SRGAP1: variants seen among roughly 807,000 people sequenced by gnomAD.
The protein encoded by SRGAP1 is SLIT-ROBO Rho GTPase-activating protein 1.
SRGAP1 carries 43 observed loss-of-function variants against 121.9 expected under a neutral mutation model. The observed-to-expected ratio is 0.35, with a 90% confidence interval of 0.28 to 0.46. The LOEUF is 0.46. SRGAP1 is among the 20% of genes least tolerant of loss of function. SRGAP1 has a pLI of 1.00. For synonymous variants in SRGAP1, 447 were observed against 485.4 expected (o/e 0.92, Z 1.04); for missense variants, 1,102 against 1,350.9 (o/e 0.82, Z 2.89).
chr12:63,920,457 C>T (rs990982015), intron 1 of SRGAP1, among the ~76,000 whole-genome samples: 7 of 152,134 alleles, frequency 4.6e-5, no homozygotes, highest in Non-Finnish European at 1.0e-4. Context: ...GAGGCTAGTT[C>T]TCCTAGAACC....
At chr12:63,980,677 T>G (rs2033222316) in intron 1 of SRGAP1, among the ~76,000 whole-genome samples, 1 of 151,654 alleles carries the variant, frequency 6.6e-6, no homozygotes, top group African/African-American at 2.4e-5. Context: ...CACTGCAACC[T>G]GCATCTGCTG....
chr12:63,884,716 A>G (rs899865905), intron 1 of SRGAP1, among the ~76,000 whole-genome samples: 19 of 135,840 alleles, frequency 1.4e-4, no homozygotes, highest in African/African-American at 4.8e-4. Context: ...GGTCACCACC[A>G]TTCTTTTTTT....
At chr12:63,905,532 A>G (rs1245698769) in intron 1 of SRGAP1, among the ~76,000 whole-genome samples, 1 of 152,236 alleles carries the variant, frequency 6.6e-6, no homozygotes, top group Non-Finnish European at 1.5e-5. Flanking sequence ...CCTGCCTAAA[A>G]CTTCTTTGGT....
At position 64,112,037 on chromosome 12, in the gene SRGAP1, T is replaced by C. The variant is rs748856943; in HGVS notation, c.2144+51T>C. ...TCTCCCACCGAAAATTATGGAAATA[T>C]AGCTATCAATTTGATTAGAAGAAAG... On this transcript the variant is annotated intron_variant, in intron 17 of 21. Transcript: ENST00000355086. 4.2e-6 allele frequency: 6 copies of C among 1,415,806 alleles called. 1 individual carries two copies. In the South Asian group the frequency reaches 6.0e-5, roughly 14 times the overall value. 87.7% of individuals were successfully genotyped at this position (1,415,806 alleles called of 1,614,324 possible). A position where few individuals can be genotyped will look rare whatever the true frequency, so the allele number is the denominator to read the frequency against.
chr12:64,016,552 G>A (rs143083449), intron 3 of SRGAP1, among the ~76,000 whole-genome samples: 2 of 152,168 alleles, frequency 1.3e-5, no homozygotes, highest in African/African-American at 2.4e-5. Context: ...TTTGGGCAGA[G>A]GGAGTTAATT....
chr12:63,902,568 C>A (rs1303453972), intron 1 of SRGAP1, among the ~76,000 whole-genome samples: 2 of 152,158 alleles, frequency 1.3e-5, no homozygotes. Flanking sequence ...CAAAAGTCTT[C>A]CCTAAAATGA....
chr12:64,097,599 A>G (rs1228197736), intron 15 of SRGAP1: 1 of 404,862 alleles, frequency 2.5e-6, no homozygotes, highest in Non-Finnish European at 4.3e-6. Flanking sequence ...CTCTGGCTCC[A>G]GAAAGCCAGG....
intron 8 of SRGAP1, among the ~76,000 whole-genome samples, chr12:64,067,570 G>A (rs1032752041): frequency 2.6e-5 from 4 of 152,048 alleles, no homozygotes; most frequent in Admixed American, 6.6e-5. Flanking sequence ...GTTGAACACC[G>A]AAGAAAATTT....
Position 64,144,591 on chromosome 12 carries a change from T to C in SRGAP1, c.*1919T>C, listed in dbSNP as rs2037019120. ...TGAATAGTGACTTTTTTCCCATGTATTTCTAGGTATGGTAAACTTTTAAAC... is the reference window on the plus strand; with the variant it reads ...TGAATAGTGACTTTTTTCCCATGTACTTCTAGGTATGGTAAACTTTTAAAC... On this transcript the variant is annotated 3_prime_UTR_variant, in exon 22 of 22. Transcript: ENST00000355086. 1 of 152,126 alleles carries C rather than the reference T, an allele frequency of 6.6e-6. No individual in the cohort carries two copies. The highest frequency in any genetic ancestry group is 1.5e-5 in the Non-Finnish European group (1 of 68,034). The allele number at this position is 152,126 out of a possible 1,614,324, so 9.4% of individuals were successfully genotyped here.
intron 1 of SRGAP1, among the ~76,000 whole-genome samples, chr12:63,928,877 T>C (rs1392246236): frequency 2.6e-5 from 4 of 152,186 alleles, no homozygotes; most frequent in Non-Finnish European, 5.9e-5. Flanking sequence ...CAGTTCACAA[T>C]AGGGTCTGTG....
chr12:64,031,133 C>T (rs2034768381), intron 4 of SRGAP1, among the ~76,000 whole-genome samples: 1 of 151,980 alleles, frequency 6.6e-6, no homozygotes, highest in South Asian at 2.1e-4. Context: ...GCCTGGCCAA[C>T]GTGGTGAAAT....
chr12:63,999,614 G>A (rs2033818197), intron 3 of SRGAP1, among the ~76,000 whole-genome samples: 1 of 152,124 alleles, frequency 6.6e-6, no homozygotes, highest in Admixed American at 6.5e-5. Flanking sequence ...TTGGGCAGTT[G>A]TCAGGGTGAT....
intron 21 of SRGAP1, among the ~76,000 whole-genome samples, chr12:64,130,085 T>C (rs2036761003): frequency 6.6e-6 from 1 of 152,236 alleles, no homozygotes; most frequent in East Asian, 1.9e-4. Flanking sequence ...TGGGCTATTG[T>C]AGTTTCCCAT....
intron 1 of SRGAP1, among the ~76,000 whole-genome samples, chr12:63,939,197 A>T (rs1024834916): frequency 4.0e-4 from 60 of 151,278 alleles, no homozygotes; most frequent in African/African-American, 1.4e-3. Flanking sequence ...GTCAATTAGT[A>T]TACCAATTCT....
intron 1 of SRGAP1, among the ~76,000 whole-genome samples, chr12:63,929,252 C>T (rs1008347562): frequency 1.3e-5 from 2 of 152,230 alleles, no homozygotes; most frequent in African/African-American, 4.8e-5. Context: ...TTCATTGTCA[C>T]CAGGACTTTT....
chr12:63,852,082 C>G (rs1899093848), intron 1 of SRGAP1, among the ~76,000 whole-genome samples: 3 of 152,168 alleles, frequency 2.0e-5, no homozygotes, highest in Admixed American at 2.0e-4. Flanking sequence ...GCCTCAACCT[C>G]CCCAGGCTCA....
intron 10 of SRGAP1, among the ~76,000 whole-genome samples, chr12:64,086,418 T>C (rs898430397): frequency 3.9e-5 from 6 of 152,212 alleles, no homozygotes; most frequent in Non-Finnish European, 1.5e-5. Flanking sequence ...GTGAAAGGCT[T>C]TTAGCTTACA....
At chr12:64,041,772 ATG>A (rs148785083) in intron 4 of SRGAP1, among the ~76,000 whole-genome samples, 7 of 150,954 alleles carry the variant, frequency 4.6e-5, no homozygotes, top group Non-Finnish European at 7.4e-5. Context: ...ACATGTGTGT[ATG>A]TGTGTGTGTG....
In SRGAP1 at chr12:64,154,324, G is replaced by A. The variant is rs998703980; in HGVS notation, c.*11652G>A. 1 of 152,134 alleles carries A rather than the reference G, an allele frequency of 6.6e-6. No individual in the cohort carries two copies. The highest frequency in any genetic ancestry group is 1.5e-5 in the Non-Finnish European group (1 of 68,036). 9.4% of individuals were successfully genotyped at this position (152,134 alleles called of 1,614,324 possible). ...AATTTTAAACATCACTGTAGATGTTGTAGTTGTGTTTGGGGTCCACGGGTG... is the reference window on the plus strand; with the variant it reads ...AATTTTAAACATCACTGTAGATGTTATAGTTGTGTTTGGGGTCCACGGGTG... On this transcript the variant is annotated 3_prime_UTR_variant, in exon 22 of 22. Transcript: ENST00000355086.
Sources: allele counts gnomAD v4.1 joint callset (sites outside exome capture counted in the v4.1 genomes callset), GRCh38; gene constraint gnomAD v4.1.1; transcripts MANE v1.5; gene names NCBI Gene and HGNC (gene_info 2026-07-23, HGNC 2026-07-21).